Variants in ATF6 observed in about 807,000 individuals in gnomAD.
The protein encoded by ATF6 is cyclic AMP-dependent transcription factor ATF-6 alpha.
ATF6 carries 53 observed loss-of-function variants against 83.6 expected under a neutral mutation model. The observed-to-expected ratio is 0.63, with a 90% CI of 0.51 to 0.80. The LOEUF is 0.80. Ranked by LOEUF, ATF6 falls within the 30% of genes least tolerant of loss-of-function variation. The pLI, the probability that ATF6 is intolerant of heterozygous loss-of-function variation, is 0.00. For missense variants in ATF6, 744 were observed against 797.9 expected (o/e 0.93, Z 0.81); for synonymous variants, 288 against 285.8 (o/e 1.01, Z -0.08).
chr1:161,770,247 C>T (rs1684353619), intron 1 of ATF6, among the ~76,000 whole-genome samples: 1 of 152,184 alleles, frequency 6.6e-6, no homozygotes, highest in East Asian at 1.9e-4. Context: ...CTTTTCATGG[C>T]TTGATAGCTC....
At chr1:161,929,543 C>T (rs893641333) in intron 15 of ATF6, among the ~76,000 whole-genome samples, 5 of 152,200 alleles carry the variant, frequency 3.3e-5, no homozygotes, top group Non-Finnish European at 7.3e-5. Flanking sequence ...TTATCTGGTA[C>T]TTTATACACT....
intron 15 of ATF6, among the ~76,000 whole-genome samples, chr1:161,919,433 T>C (rs905151830): frequency 1.3e-5 from 2 of 152,190 alleles, no homozygotes; most frequent in Non-Finnish European, 2.9e-5. Context: ...GTGGTAAAAC[T>C]GTTCATTTCC....
At chr1:161,846,886 CAT>C (rs1686498404) in intron 10 of ATF6, among the ~76,000 whole-genome samples, 1 of 151,496 alleles carries the variant, frequency 6.6e-6, no homozygotes. Context: ...TTTTATCTAT[CAT>C]GTGTTTATAC....
intron 14 of ATF6, among the ~76,000 whole-genome samples, chr1:161,874,879 GTCTA>G (rs1293682148): frequency 6.6e-6 from 1 of 151,696 alleles, no homozygotes; most frequent in Non-Finnish European, 1.5e-5. Flanking sequence ...TTGCATGTCT[GTCTA>G]TCTATCCATC....
chr1:161,813,453 A>G (rs1026235471), intron 7 of ATF6, among the ~76,000 whole-genome samples: 5 of 152,240 alleles, frequency 3.3e-5, no homozygotes, highest in African/African-American at 1.2e-4. Flanking sequence ...TTAGAGGACT[A>G]ATGAAGTGGC....
chr1:161,822,688 G>T (rs1685796030), intron 9 of ATF6, among the ~76,000 whole-genome samples: 1 of 152,106 alleles, frequency 6.6e-6, no homozygotes, highest in South Asian at 2.1e-4. Flanking sequence ...ATGCAAAATT[G>T]TAACAATGTT....
intron 6 of ATF6, among the ~76,000 whole-genome samples, chr1:161,793,293 C>T (rs1053514917): frequency 6.6e-6 from 1 of 152,114 alleles, no homozygotes; most frequent in African/African-American, 2.4e-5. Context: ...ATGGATGAAT[C>T]AGTGAAAATT....
intron 1 of ATF6, among the ~76,000 whole-genome samples, chr1:161,767,966 C>T (rs1165596681): frequency 6.6e-6 from 1 of 152,204 alleles, no homozygotes; most frequent in African/African-American, 2.4e-5. Flanking sequence ...AGCGATTCTC[C>T]TGCCTCAGCC....
At chr1:161,892,628 CTTTTT>C (rs773642361) in intron 14 of ATF6, among the ~76,000 whole-genome samples, 1 of 124,710 alleles carries the variant, frequency 8.0e-6, no homozygotes, top group Non-Finnish European at 1.7e-5. Flanking sequence ...ACAGGTCATT[CTTTTT>C]TTTTTTTTTT....
chr1:161,833,872 C>T (rs1384214548), intron 9 of ATF6, among the ~76,000 whole-genome samples: 2 of 152,142 alleles, frequency 1.3e-5, no homozygotes, highest in Non-Finnish European at 2.9e-5. Flanking sequence ...TCTAGCAAGG[C>T]AGGCCAACAT....
intron 14 of ATF6, among the ~76,000 whole-genome samples, chr1:161,869,469 G>A (rs1451121662): frequency 6.6e-6 from 1 of 151,828 alleles, no homozygotes; most frequent in Non-Finnish European, 1.5e-5. Flanking sequence ...CATAGATGTT[G>A]GAGTTTGGCC....
At chr1:161,943,615 T>C (rs558008359) in intron 15 of ATF6, among the ~76,000 whole-genome samples, 7 of 152,148 alleles carry the variant, frequency 4.6e-5, no homozygotes, top group Non-Finnish European at 8.8e-5. Flanking sequence ...CAGGGCACGC[T>C]CCTGCCTCAG....
chr1:161,958,796 A>C lies in ATF6; in HGVS notation c.*142A>C. ...CAAGGAGGAAAGAAGAAGAAATAAA[A>C]GAAGCTGCTCCATTTTTCATCATCT... is the stretch of plus-strand genomic sequence containing the variant. On this transcript the variant is annotated 3_prime_UTR_variant, in exon 16 of 16. Transcript: ENST00000367942. The C allele has an allele frequency of 1.5e-6, 1 of 676,672 alleles. No individual in the cohort carries two copies. The highest frequency in any genetic ancestry group is 2.4e-6 in the Non-Finnish European group (1 of 425,118). The allele number at this position is 676,672 out of a possible 1,614,324, so 41.9% of individuals were successfully genotyped here.
intron 7 of ATF6, among the ~76,000 whole-genome samples, chr1:161,805,605 G>C (rs1685259803): frequency 6.6e-6 from 1 of 152,156 alleles, no homozygotes; most frequent in Admixed American, 6.6e-5. Flanking sequence ...AGGAGTTGCA[G>C]AGAAGAACTT....
chr1:161,882,301 A>G (rs537266156), intron 14 of ATF6, among the ~76,000 whole-genome samples: 34 of 152,270 alleles, frequency 2.2e-4, no homozygotes, highest in African/African-American at 8.2e-4. Context: ...GATATTGCCA[A>G]ACCAAAATTC....
chr1:161,916,460 T>C (rs74383845), intron 15 of ATF6, among the ~76,000 whole-genome samples: 3,285 of 152,260 alleles, frequency 0.022, 119 homozygotes, highest in African/African-American at 0.076. Context: ...TACCCCTAAA[T>C]ATTTGAAAAT....
intron 1 of ATF6, among the ~76,000 whole-genome samples, chr1:161,777,048 A>G (rs1047752373): frequency 7.2e-5 from 11 of 152,232 alleles, no homozygotes; most frequent in African/African-American, 2.2e-4. Context: ...AGGATCAACT[A>G]TGTTAATGCT....
intron 14 of ATF6, among the ~76,000 whole-genome samples, chr1:161,907,811 A>G (rs538998563): frequency 1.3e-5 from 2 of 152,200 alleles, no homozygotes; most frequent in African/African-American, 2.4e-5. Context: ...TTTGAGTCCA[A>G]ATCCACTCTT....
At chr1:161,955,548 A>G (rs1199821233) in intron 15 of ATF6, among the ~76,000 whole-genome samples, 1 of 152,192 alleles carries the variant, frequency 6.6e-6, no homozygotes, top group Non-Finnish European at 1.5e-5. Context: ...CTTTAATTAA[A>G]ATAATTAGAG....
Sources: allele counts gnomAD v4.1 joint callset (sites outside exome capture counted in the v4.1 genomes callset), GRCh38; gene constraint gnomAD v4.1.1; transcripts MANE v1.5; gene names NCBI Gene and HGNC (gene_info 2026-07-23, HGNC 2026-07-21).